GPC6: variants seen among roughly 807,000 people sequenced by gnomAD.
GPC6 encodes glypican 6.
Under a neutral mutation model 55.2 loss-of-function variants are expected in GPC6, and 14 were observed. The ratio of observed to expected loss-of-function variants is 0.25; its 90% confidence interval spans 0.17 to 0.40. The LOEUF (loss-of-function observed/expected upper bound fraction) is 0.40, where lower values mean the gene tolerates loss of function less well. Among genes scored for constraint, GPC6 ranks in the 10% least tolerant of loss-of-function variants. The probability of loss-of-function intolerance (pLI) is 1.00; values close to 1 mark genes in which losing one functional copy is unlikely to be tolerated. For missense variants in GPC6, 641 were observed against 708.5 expected, an observed-to-expected ratio of 0.90 and a Z score of 1.08; for synonymous variants, 278 against 259.6, an observed-to-expected ratio of 1.07 and a Z score of -0.68.
chr13:93,526,899 A>G (rs1881666506), intron 1 of GPC6, among the ~76,000 whole-genome samples: 1 of 152,088 alleles, frequency 6.6e-6, no homozygotes, highest in Non-Finnish European at 1.5e-5. Context: ...GTATCATAGG[A>G]TGTGTGTAAC....
At chr13:93,514,721 A>G (rs1352063911) in intron 1 of GPC6, among the ~76,000 whole-genome samples, 4 of 152,164 alleles carry the variant, frequency 2.6e-5, no homozygotes, top group African/African-American at 7.2e-5. Context: ...TCGTTTCCAG[A>G]TGGAGGCTTT....
At chr13:93,510,027 G>A (rs1449789279) in intron 1 of GPC6, among the ~76,000 whole-genome samples, 1 of 152,110 alleles carries the variant, frequency 6.6e-6, no homozygotes, top group East Asian at 1.9e-4. Context: ...TTAATAAACT[G>A]GGTTCTTCTG....
intron 2 of GPC6, among the ~76,000 whole-genome samples, chr13:93,697,619 G>A (rs543509379): frequency 1.6e-4 from 25 of 152,210 alleles, no homozygotes; most frequent in African/African-American, 6.0e-4. Context: ...AAACTTAAAT[G>A]CTGTTCTGTA....
At chr13:93,334,380 C>A (rs143679630) in intron 1 of GPC6, among the ~76,000 whole-genome samples, 1 of 151,996 alleles carries the variant, frequency 6.6e-6, no homozygotes, top group Non-Finnish European at 1.5e-5. Flanking sequence ...CCAAGAAAAC[C>A]CCTGCTAAGA....
At chr13:93,263,104 G>C (rs1877206644) in intron 1 of GPC6, among the ~76,000 whole-genome samples, 1 of 152,128 alleles carries the variant, frequency 6.6e-6, no homozygotes, top group Admixed American at 6.5e-5. Context: ...TGGGTGTTCT[G>C]GGAACTGTCA....
intron 2 of GPC6, among the ~76,000 whole-genome samples, chr13:93,563,856 G>T (rs775614883): frequency 1.3e-5 from 2 of 151,754 alleles, no homozygotes; most frequent in South Asian, 4.1e-4. Flanking sequence ...AGACTTGCAA[G>T]TTGCCAGAGT....
chr13:93,777,776 C>T (rs1013022414), intron 2 of GPC6, among the ~76,000 whole-genome samples: 3 of 152,046 alleles, frequency 2.0e-5, no homozygotes, highest in Admixed American at 1.3e-4. Flanking sequence ...GTATTTGTAC[C>T]TACATATATC....
chr13:93,736,237 G>T (rs760312541), intron 2 of GPC6, among the ~76,000 whole-genome samples: 1 of 152,174 alleles, frequency 6.6e-6, no homozygotes, highest in East Asian at 1.9e-4. Flanking sequence ...AGAGATGTAT[G>T]TGAGGAATTT....
rs535119947 is a variant in GPC6, at chr13:94,164,912, A to G, written c.878-121437A>G. Among the ~76,000 whole-genome samples, 44 of 152,280 alleles carry G rather than the reference A, an allele frequency of 2.9e-4. No individual in the cohort carries two copies. The South Asian group carries it at 5.4e-3, about 19-fold the overall frequency. On this transcript the variant is annotated intron_variant, in intron 4 of 8. Coordinates refer to ENST00000377047, the MANE Select transcript of GPC6 (RefSeq NM_005708.5). ...TAGATAGGATTTAGAGTTTAAATAA[A>G]TTAACACCATTGCCATTCTGTTCTT... is the stretch of plus-strand genomic sequence containing the variant.
chr13:94,073,280 G>A (rs890679214), intron 4 of GPC6, among the ~76,000 whole-genome samples: 2 of 152,166 alleles, frequency 1.3e-5, no homozygotes, highest in Admixed American at 6.5e-5. Context: ...GATGAAAGCA[G>A]TGCAGTCATG....
At chr13:93,610,560 A>G (rs1188955628) in intron 2 of GPC6, among the ~76,000 whole-genome samples, 7 of 152,194 alleles carry the variant, frequency 4.6e-5, no homozygotes, top group Non-Finnish European at 1.0e-4. Context: ...GTTGGAGGAT[A>G]TACATATATA....
intron 1 of GPC6, among the ~76,000 whole-genome samples, chr13:93,355,521 T>C (rs957597439): frequency 6.6e-6 from 1 of 152,182 alleles, no homozygotes; most frequent in Non-Finnish European, 1.5e-5. Context: ...TTGCATCAAA[T>C]GAGCAGATGA....
rs564208809 is a variant in GPC6 at position 93,917,981 on chromosome 13, C to T, written c.711+87436C>T. On this transcript the variant is annotated intron_variant, in intron 3 of 8. Coordinates refer to ENST00000377047, the MANE Select transcript of GPC6 (RefSeq NM_005708.5). The stretch of plus-strand genomic sequence containing the variant: ...GTGTGGTGGCACATGCCTGTAACCC[C>T]AGCTACTCGGGAGGCTGAGGCAGAA... 2.0e-5 allele frequency among the ~76,000 whole-genome samples: 3 copies of T among 152,034 alleles called. No individual in the cohort carries two copies. In the East Asian group the frequency reaches 5.8e-4, roughly 30 times the overall value.
At chr13:93,710,065 C>T (rs541022851) in intron 2 of GPC6, among the ~76,000 whole-genome samples, 188 of 151,896 alleles carry the variant, frequency 1.2e-3, no homozygotes, top group African/African-American at 4.3e-3. Flanking sequence ...ATTTCATTTT[C>T]AGTGGAAATA....
intron 2 of GPC6, among the ~76,000 whole-genome samples, chr13:93,705,389 G>T (rs1049108373): frequency 6.6e-6 from 1 of 151,842 alleles, no homozygotes; most frequent in African/African-American, 2.4e-5. Context: ...TAATTTTGTT[G>T]TTGAACTTAC....
intron 4 of GPC6, among the ~76,000 whole-genome samples, chr13:94,045,044 A>G (rs886838127): frequency 7.5e-4 from 114 of 151,970 alleles, no homozygotes; most frequent in African/African-American, 2.7e-3. Flanking sequence ...AGATAAGTAT[A>G]GGTACGTTTA....
At chr13:93,640,687 C>T (rs751003034) in intron 2 of GPC6, among the ~76,000 whole-genome samples, 8 of 149,786 alleles carry the variant, frequency 5.3e-5, no homozygotes, top group South Asian at 2.1e-4. Context: ...CCTCCCTCCC[C>T]GCTCCCTGTT....
chr13:94,181,261 G>A (rs1006214887), intron 4 of GPC6, among the ~76,000 whole-genome samples: 2 of 152,058 alleles, frequency 1.3e-5, no homozygotes, highest in South Asian at 2.1e-4. Flanking sequence ...TGCTGGTTTT[G>A]TGGCTCAGGG....
chr13:93,263,235 G>A (rs9523982), intron 1 of GPC6, among the ~76,000 whole-genome samples: 28,065 of 152,106 alleles, frequency 0.18, 2,786 homozygotes, highest in South Asian at 0.27. Flanking sequence ...GGCCCACACC[G>A]TGGGTTTTCA....
Sources: gnomAD v4.1 joint callset for allele counts (sites outside exome capture counted in the v4.1 genomes callset) on GRCh38, gnomAD v4.1.1 for gene constraint, MANE v1.5 for transcripts, NCBI Gene and HGNC (gene_info 2026-07-23, HGNC 2026-07-21) for gene names.